The following SYNE2 variants were observed in gnomAD, a reference collection of about 807,000 sequenced individuals.
The protein encoded by SYNE2 is nesprin-2.
In SYNE2, 431 loss-of-function variants were observed where a neutral mutation model predicts 856.3. That is an observed-to-expected ratio of 0.50 (90% CI 0.47 to 0.55). The LOEUF (loss-of-function observed/expected upper bound fraction) is 0.55. Among genes scored for constraint, SYNE2 ranks in the 20% least tolerant of loss-of-function variants. The probability of loss-of-function intolerance (pLI) is 0.00; values close to 1 mark genes in which losing one functional copy is unlikely to be tolerated. For synonymous variants in SYNE2, 2,923 were observed against 2,872.3 expected, an observed-to-expected ratio of 1.02 and a Z score of -0.56; for missense variants, 8,129 against 8,023.2, an observed-to-expected ratio of 1.01 and a Z score of -0.50.
Position 63,970,644 on chromosome 14 carries a change from CTTTTTTCTT to C in SYNE2, c.1128+2805_1128+2813del, listed in dbSNP as rs1482251769. 3.1e-5 allele frequency among the ~76,000 whole-genome samples: 4 copies of C among 127,802 alleles called. No homozygotes were observed. In the East Asian group the frequency reaches 6.8e-4, roughly 22 times the overall value. The allele number at this position is 127,802 out of a possible 152,430, so 83.8% of individuals were successfully genotyped here. A position where few individuals can be genotyped will look rare whatever the true frequency, so the allele number is the denominator to read the frequency against. On this transcript the variant is annotated intron_variant, in intron 11 of 115. Coordinates refer to ENST00000555002, the MANE Select transcript of SYNE2 (RefSeq NM_182914.3). ...TCTTCCTTTCTGTCTTTTTTCTTTT[CTTTTTTCTT>C]TTTTTTTTTTTTTTTTTTGAGATAT...
At chr14:63,919,599 T>G (rs2095572550) in intron 2 of SYNE2, among the ~76,000 whole-genome samples, 1 of 150,958 alleles carries the variant, frequency 6.6e-6, no homozygotes, top group Non-Finnish European at 1.5e-5. Flanking sequence ...TGTTTAGAGG[T>G]CAAGTGGAAG....
chr14:64,170,405 G>A lies in SYNE2; in HGVS notation c.17178G>A (p.Val5726=), dbSNP rs1407686945. The A allele has an allele frequency of 5.6e-6, 9 of 1,614,194 alleles. No individual in the cohort carries two copies. The East Asian group carries it at 1.8e-4, about 32-fold the overall frequency. Residue 5726 remains valine, a synonymous_variant, in exon 94 of 116, where the codon GTG becomes GTA. Transcript: ENST00000555002. ...LTDTSHLLSA[V]KGQERFSLYQ... Reference sequence around the variant, plus strand: ...ACACCAGCCACCTGCTATCTGCAGTGAAGGGCCAGGAGCGCTTCAGCCTCT... The same window carrying A: ...ACACCAGCCACCTGCTATCTGCAGTAAAGGGCCAGGAGCGCTTCAGCCTCT...
chr14:63,784,740 G>A (rs1887449060), intron 1 of SYNE2, among the ~76,000 whole-genome samples: 1 of 152,250 alleles, frequency 6.6e-6, no homozygotes, highest in African/African-American at 2.4e-5. Context: ...GGGAGGCAGA[G>A]GCAGGAGTAT....
intron 104 of SYNE2, 111 bp downstream of exon 104, chr14:64,212,209 A>G: frequency 6.4e-7 from 1 of 1,563,784 alleles, no homozygotes; most frequent in Non-Finnish European, 8.7e-7. Context: ...CAGAATTCTT[A>G]AAGCAGCCAG....
rs1419798072 is a variant in SYNE2, at chr14:64,000,671, A to G, written c.3590A>G (p.Asp1197Gly). Residue 1197 changes from aspartate to glycine, a missense_variant, in exon 28 of 116, where the codon GAC becomes GGC. Around this residue, in one of 3 missense-constraint regions of SYNE2, gnomAD observed 2,422 missense variants for 2,357.4 expected, o/e 1.03. Transcript: ENST00000555002. ...IKKPFVIKERDTLKERERELQ... is the reference protein window; with the variant it reads ...IKKPFVIKERGTLKERERELQ... ...AAGCCTTTTGTAATTAAGGAAAGAG[A>G]CACACTAAAGGAAAGAGAAAGAGAG... 2.0e-5 allele frequency: 33 copies of G among 1,613,478 alleles called. No individual in the cohort carries two copies. Among genetic ancestry groups the G allele is most frequent in the Non-Finnish European group, 2.7e-5 (32 of 1,179,758 alleles).
Position 63,982,731 on chromosome 14 carries a change from T to C in SYNE2, c.1938T>C (p.Ser646=), listed in dbSNP as rs778319989. Residue 646 remains serine (S), a synonymous_variant, in exon 17 of 116, where the codon TCT becomes TCC. Coordinates refer to ENST00000555002, the MANE Select transcript of SYNE2 (RefSeq NM_182914.3). The part of the protein sequence containing the change: ...VEVSNDVVGS[S]ISKELRRLNK... The stretch of plus-strand genomic sequence containing the variant: ...TCAGCAATGATGTGGTTGGATCATC[T>C]ATTTCTAAAGAACTGAGAAGGCTGA... 1.2e-6 allele frequency: 2 copies of C among 1,614,104 alleles called. No individual in the cohort carries two copies. The highest frequency in any genetic ancestry group is 4.5e-5 in the East Asian group (2 of 44,858).
intron 1 of SYNE2, among the ~76,000 whole-genome samples, chr14:63,770,536 A>G (rs1418007471): frequency 2.0e-5 from 3 of 152,184 alleles, no homozygotes; most frequent in South Asian, 4.1e-4. Context: ...ACAGTGGCTT[A>G]TGTCTGTAAT....
At chr14:63,820,356 CA>C (rs962583625) in intron 1 of SYNE2, among the ~76,000 whole-genome samples, 123 of 150,172 alleles carry the variant, frequency 8.2e-4, no homozygotes, top group Non-Finnish European at 1.5e-3. Context: ...TATCCATGTG[CA>C]AAAAAAAAGT....
At chr14:63,802,734 T>G (rs914449110) in intron 1 of SYNE2, among the ~76,000 whole-genome samples, 4 of 152,112 alleles carry the variant, frequency 2.6e-5, no homozygotes, top group Non-Finnish European at 5.9e-5. Flanking sequence ...TGTTCAGATG[T>G]GTTCGGAGTT....
intron 2 of SYNE2, 64 bp from the exon 3 acceptor site, chr14:63,940,550 T>G: frequency 6.8e-7 from 1 of 1,462,892 alleles, no homozygotes; most frequent in Non-Finnish European, 9.6e-7. Flanking sequence ...TTTGAAGCTC[T>G]GATATGTGCA....
In SYNE2 at chr14:64,214,471, GTAACAGCTGGGTTC is replaced by G; in HGVS notation, c.19333+2_19333+15del. The G allele has an allele frequency of 2.5e-6, 4 of 1,610,980 alleles. No individual in the cohort carries two copies. The highest frequency in any genetic ancestry group is 3.4e-6 in the Non-Finnish European group (4 of 1,179,524). On this transcript the variant is annotated splice_donor_variant and splice_donor_5th_base_variant and intron_variant, in intron 106 of 115. Coordinates refer to ENST00000555002, the MANE Select transcript of SYNE2 (RefSeq NM_182914.3). LOFTEE classifies it high-confidence loss of function. ...GGCCCATACTACAGCGCACTGTCAG[GTAACAGCTGGGTTC>G]CCAGCACCCTGGAAAGTGACCCGTT...
chr14:64,219,088 C>CCCAAAA, intron 109 of SYNE2, 120 bp from the exon 110 acceptor site: 1 of 887,626 alleles, frequency 1.1e-6, no homozygotes, highest in Non-Finnish European at 1.7e-6. Context: ...TCAGGGGAAT[C>CCCAAAA]CCCTACAGTT....
At chr14:64,187,629 A>C (rs534501235) in intron 97 of SYNE2, among the ~76,000 whole-genome samples, 2 of 152,302 alleles carry the variant, frequency 1.3e-5, no homozygotes, top group South Asian at 4.1e-4. Context: ...ATAAGCATTC[A>C]GTATTTTCTC....
intron 61 of SYNE2, among the ~76,000 whole-genome samples, chr14:64,097,101 A>G (rs767432337): frequency 8.5e-5 from 13 of 152,336 alleles, no homozygotes; most frequent in South Asian, 4.1e-4. Flanking sequence ...CTATAATCCT[A>G]TAGTCATCTC....
At chr14:63,815,937 A>G (rs542092563) in intron 1 of SYNE2, among the ~76,000 whole-genome samples, 1 of 148,546 alleles carries the variant, frequency 6.7e-6, no homozygotes, top group Admixed American at 6.7e-5. Context: ...AAATGTTCTT[A>G]TTAAATTATT....
intron 85 of SYNE2, among the ~76,000 whole-genome samples, chr14:64,157,636 A>T (rs1186628411): frequency 6.6e-6 from 1 of 152,162 alleles, no homozygotes; most frequent in Non-Finnish European, 1.5e-5. Flanking sequence ...AACTCTATTT[A>T]ATTTTTTGAG....
chr14:63,947,256 T>A (rs1441363093), intron 6 of SYNE2, among the ~76,000 whole-genome samples: 1 of 152,170 alleles, frequency 6.6e-6, no homozygotes, highest in Non-Finnish European at 1.5e-5. Context: ...AACTGTTCCA[T>A]AGCTACATTG....
chr14:64,085,390 T>G (rs2097553437), intron 57 of SYNE2, among the ~76,000 whole-genome samples: 1 of 152,220 alleles, frequency 6.6e-6, no homozygotes, highest in Non-Finnish European at 1.5e-5. Context: ...GAAGCTGATA[T>G]AAGGGTATGA....
intron 1 of SYNE2, among the ~76,000 whole-genome samples, chr14:63,782,031 A>G (rs543779677): frequency 6.6e-6 from 1 of 151,792 alleles, no homozygotes; most frequent in African/African-American, 2.4e-5. Context: ...ACTACTTGGG[A>G]GGCTGAGGCA....
Sources: gnomAD v4.1 joint callset for allele counts (sites outside exome capture counted in the v4.1 genomes callset) on GRCh38, gnomAD v4.1.1 for gene constraint, gnomAD v4.1.1 regional missense constraint, MANE v1.5 for transcripts, NCBI Gene and HGNC (gene_info 2026-07-23, HGNC 2026-07-21) for gene names.